The following TSGA10 variants were observed in gnomAD, a reference collection of about 807,000 sequenced individuals.
TSGA10 encodes the protein testis-specific gene 10 protein.
Under a neutral mutation model 96.6 loss-of-function variants are expected in TSGA10, and 43 were observed. The observed-to-expected ratio is 0.44, with a 90% CI of 0.35 to 0.57. The LOEUF (loss-of-function observed/expected upper bound fraction) is 0.57, where lower values mean the gene tolerates loss of function less well. Among genes scored for constraint, TSGA10 ranks in the 20% least tolerant of loss-of-function variants. TSGA10 has a pLI of 0.01. For synonymous variants in TSGA10, 229 were observed against 269.9 expected, an observed-to-expected ratio of 0.85 and a Z score of 1.48; for missense variants, 703 against 834.4, an observed-to-expected ratio of 0.84 and a Z score of 1.94.
intron 16 of TSGA10, among the ~76,000 whole-genome samples, chr2:99,042,754 A>C (rs893825519): frequency 6.7e-6 from 1 of 148,712 alleles, no homozygotes; most frequent in Non-Finnish European, 1.5e-5. Context: ...CCCAGGCTGG[A>C]GTGTAGTGGC....
intron 2 of TSGA10, among the ~76,000 whole-genome samples, chr2:99,120,807 AACG>A (rs773644045): frequency 6.6e-6 from 1 of 152,110 alleles, no homozygotes; most frequent in Non-Finnish European, 1.5e-5. Context: ...GTTCCATTAC[AACG>A]AGACCATTCT....
intron 1 of TSGA10, among the ~76,000 whole-genome samples, chr2:99,134,830 A>G (rs1200557681): frequency 4.6e-5 from 7 of 152,060 alleles, no homozygotes; most frequent in Admixed American, 3.3e-4. Context: ...TTTTCCTTCT[A>G]ACAGTCAGGC....
At chr2:99,049,019 T>A (rs1405056245) in intron 16 of TSGA10, among the ~76,000 whole-genome samples, 1 of 152,070 alleles carries the variant, frequency 6.6e-6, no homozygotes. Context: ...GCAAATCAAA[T>A]TCACGATGAG....
At chr2:99,005,338 G>T (rs1302734156) in intron 20 of TSGA10, among the ~76,000 whole-genome samples, 1 of 152,208 alleles carries the variant, frequency 6.6e-6, no homozygotes, top group South Asian at 2.1e-4. Flanking sequence ...AATAGGAAAA[G>T]AGGAAGTCAA....
chr2:99,013,482 G>A (rs1475413531), intron 20 of TSGA10, among the ~76,000 whole-genome samples: 1 of 151,840 alleles, frequency 6.6e-6, no homozygotes, highest in Non-Finnish European at 1.5e-5. Context: ...ACAGGTGCCT[G>A]CCACCACGCC....
At chr2:99,051,392 G>A (rs553440626) in intron 16 of TSGA10, among the ~76,000 whole-genome samples, 9 of 152,174 alleles carry the variant, frequency 5.9e-5, no homozygotes, top group African/African-American at 2.2e-4. Context: ...AGATAAAGGA[G>A]GACATTTTAC....
chr2:99,115,877 T>G (rs1172938381), intron 4 of TSGA10, among the ~76,000 whole-genome samples: 5 of 152,118 alleles, frequency 3.3e-5, no homozygotes, highest in Non-Finnish European at 7.3e-5. Flanking sequence ...AAACTCTGTC[T>G]CAACAACAAC....
chr2:99,011,692 G>A (rs1558715244), intron 20 of TSGA10, among the ~76,000 whole-genome samples: 1 of 152,126 alleles, frequency 6.6e-6, no homozygotes, highest in Non-Finnish European at 1.5e-5. Flanking sequence ...AAGTGTGTGT[G>A]TGTCTGTGAA....
chr2:99,005,292 G>A (rs2078358143), intron 20 of TSGA10, among the ~76,000 whole-genome samples: 2 of 152,100 alleles, frequency 1.3e-5, no homozygotes, highest in Non-Finnish European at 2.9e-5. Flanking sequence ...TGCTGACCAG[G>A]GCAATTAGGC....
intron 2 of TSGA10, 29 bp from the exon 3 acceptor site, chr2:99,118,715 T>C (rs1487450247): frequency 1.0e-6 from 1 of 973,310 alleles, no homozygotes; most frequent in Non-Finnish European, 1.2e-6. Context: ...ATTAGACCCA[T>C]TGAACAATGA....
rs138543518 is a variant in TSGA10 at position 99,045,457 on chromosome 2, C to A, written c.1405-10018G>T. ...CATTCTTAAAGAAAAGAATTTTCAA[C>A]GCAGAATTTCATATCCAGCCAAACC... On this transcript the variant is annotated intron_variant, in intron 16 of 20. Coordinates refer to ENST00000393483, the MANE Select transcript of TSGA10 (RefSeq NM_025244.4). 2.3e-3 allele frequency among the ~76,000 whole-genome samples: 352 copies of A among 152,246 alleles called. 7 individuals carry two copies. In the East Asian group the frequency reaches 0.061, roughly 26 times the overall value.
intron 9 of TSGA10, among the ~76,000 whole-genome samples, chr2:99,104,692 C>A (rs1271551205): frequency 1.3e-5 from 2 of 152,140 alleles, no homozygotes; most frequent in Non-Finnish European, 2.9e-5. Context: ...TCAGGCTGGT[C>A]TCAAACTCCT....
At chr2:99,134,484 CT>C (rs1202023460) in intron 1 of TSGA10, among the ~76,000 whole-genome samples, 1 of 152,028 alleles carries the variant, frequency 6.6e-6, no homozygotes, top group African/African-American at 2.4e-5. Context: ...TTCCTCTAAC[CT>C]TTTTAAAGGT....
intron 1 of TSGA10, among the ~76,000 whole-genome samples, chr2:99,131,151 G>GT (rs1309001360): frequency 1.3e-5 from 2 of 152,110 alleles, no homozygotes; most frequent in Admixed American, 6.6e-5. Context: ...ATTTAAGGAA[G>GT]TTTTTTCTAA....
intron 10 of TSGA10, among the ~76,000 whole-genome samples, chr2:99,087,557 G>A (rs981396770): frequency 3.9e-5 from 6 of 152,008 alleles, no homozygotes; most frequent in South Asian, 4.2e-4. Context: ...GCATGGTAGC[G>A]CATACCTTTA....
chr2:99,079,092 T>C (rs1195702887), intron 11 of TSGA10, among the ~76,000 whole-genome samples: 2 of 152,160 alleles, frequency 1.3e-5, no homozygotes, highest in Non-Finnish European at 2.9e-5. Context: ...GTAGACTTAA[T>C]GTATGATGGG....
chr2:99,053,986 T>C (rs1391226781), intron 16 of TSGA10, among the ~76,000 whole-genome samples: 2 of 152,030 alleles, frequency 1.3e-5, no homozygotes, highest in Non-Finnish European at 2.9e-5. Flanking sequence ...GTGTAATCCC[T>C]ATCAAAATTC....
chr2:99,061,519 A>G (rs1279086973), intron 16 of TSGA10, among the ~76,000 whole-genome samples: 1 of 152,170 alleles, frequency 6.6e-6, no homozygotes, highest in Non-Finnish European at 1.5e-5. Flanking sequence ...TGTACAATAA[A>G]TTACTGTTGA....
At chr2:99,013,402 G>A (rs763727979) in intron 20 of TSGA10, among the ~76,000 whole-genome samples, 3 of 151,810 alleles carry the variant, frequency 2.0e-5, no homozygotes, top group Non-Finnish European at 2.9e-5. Context: ...GCGCAATCTC[G>A]GCTCACTGCA....
Sources: gnomAD v4.1 joint callset for allele counts (sites outside exome capture counted in the v4.1 genomes callset) on GRCh38, gnomAD v4.1.1 for gene constraint, MANE v1.5 for transcripts, NCBI Gene and HGNC (gene_info 2026-07-23, HGNC 2026-07-21) for gene names.